FRMPD3: variants seen among roughly 807,000 people sequenced by gnomAD.
FRMPD3 encodes FERM and PDZ domain-containing protein 3.
Under a neutral mutation model 97.9 loss-of-function variants are expected in FRMPD3, and 42 were observed. The ratio of observed to expected loss-of-function variants is 0.43; its 90% confidence interval spans 0.34 to 0.55. The LOEUF is 0.55. FRMPD3 is among the 20% of genes least tolerant of loss of function. The pLI, the probability that FRMPD3 is intolerant of heterozygous loss-of-function variation, is 0.03. For missense variants in FRMPD3, 1,303 were observed against 1,457.7 expected (o/e 0.89, Z 1.73); for synonymous variants, 577 against 581.1 (o/e 0.99, Z 0.10).
chrX:107,585,205 T>C (rs991045226), intron 13 of FRMPD3, among the ~76,000 whole-genome samples: 1 of 111,284 alleles, frequency 9.0e-6, no homozygotes, highest in Non-Finnish European at 1.9e-5. Flanking sequence ...TTTGTAGTGA[T>C]TGTGAATGGG....
chrX:107,545,762 C>CT lies in FRMPD3; in HGVS notation c.324dup (p.Ala109CysfsTer17). On this transcript the variant is annotated frameshift_variant, in exon 5 of 15. Transcript: ENST00000683843. LOFTEE classifies it high-confidence loss of function. ...TCCCCCAAATCTGCTTTCATCAGTGCTGCGAAGAAGGCCAAGTTGAGGTCC... is the reference window on the plus strand; with the variant it reads ...TCCCCCAAATCTGCTTTCATCAGTGCTTGCGAAGAAGGCCAAGTTGAGGTCC... 1 of 1,209,952 alleles carries CT rather than the reference C, an allele frequency of 8.3e-7. No homozygotes were observed. The highest frequency in any genetic ancestry group is 1.1e-6 in the Non-Finnish European group (1 of 894,698).
Position 107,601,874 on chromosome X carries a change from C to A in FRMPD3, c.3835C>A (p.Gln1279Lys), listed in dbSNP as rs765179604. ...TCCAGCACCTGGCCGCTGCAGCTGC[C>A]AGCTCCGCAGCAGCCCTGTGCAGCA... ...QPPAPGRCSC[Q>K]LRSSPVQQGP... Residue 1279 changes from glutamine (Q) to lysine (K), a missense_variant, in exon 15 of 15, where the codon CAG (glutamine) becomes AAG (lysine). Coordinates refer to ENST00000683843, the MANE Select transcript of FRMPD3 (RefSeq NM_001388459.1). 8.3e-7 allele frequency: 1 copy of A among 1,206,729 alleles called. No homozygotes were observed. Among genetic ancestry groups the A allele is most frequent in the African/African-American group, 1.7e-5 (1 of 57,332 alleles).
chrX:107,468,482 CAAAT>C (rs1481558937), intron 1 of FRMPD3, among the ~76,000 whole-genome samples: 2 of 111,854 alleles, frequency 1.8e-5, no homozygotes, highest in Non-Finnish European at 3.8e-5. Flanking sequence ...TAAAAGTGAA[CAAAT>C]AAATAATCAC....
At chrX:107,526,764 G>C in intron 2 of FRMPD3, 28 bp downstream of exon 2, 1 of 1,143,154 alleles carries the variant, frequency 8.7e-7, no homozygotes, top group Non-Finnish European at 1.2e-6. Context: ...TGTTCCCCTA[G>C]CCCTGACTCC....
At chrX:107,517,237 A>G (rs1922363865) in intron 1 of FRMPD3, among the ~76,000 whole-genome samples, 1 of 111,934 alleles carries the variant, frequency 8.9e-6, no homozygotes, top group African/African-American at 3.3e-5. Context: ...TTTTGGTACC[A>G]GTACCTCCAT....
At chrX:107,538,621 G>A (rs1921129590) in intron 4 of FRMPD3, among the ~76,000 whole-genome samples, 4 of 107,690 alleles carry the variant, frequency 3.7e-5, no homozygotes, top group Non-Finnish European at 7.7e-5. Flanking sequence ...TACATTATGT[G>A]GCTGATAATG....
chrX:107,539,015 C>G (rs1447643914), intron 4 of FRMPD3, among the ~76,000 whole-genome samples: 1 of 111,059 alleles, frequency 9.0e-6, no homozygotes, highest in East Asian at 2.8e-4. Flanking sequence ...GCTCTGAAAA[C>G]TATTAATAGT....
At chrX:107,525,161 C>T (rs1452763652) in intron 1 of FRMPD3, among the ~76,000 whole-genome samples, 1 of 111,696 alleles carries the variant, frequency 9.0e-6, no homozygotes, top group African/African-American at 3.3e-5. Flanking sequence ...AATACACATA[C>T]TGAGGCTAGA....
At chrX:107,507,242 G>T (rs1922054536) in intron 1 of FRMPD3, among the ~76,000 whole-genome samples, 1 of 111,079 alleles carries the variant, frequency 9.0e-6, no homozygotes, top group Non-Finnish European at 1.9e-5. Flanking sequence ...GATTCGTTTG[G>T]GTTGCCTGGC....
At chrX:107,500,739 C>T (rs925267671) in intron 1 of FRMPD3, among the ~76,000 whole-genome samples, 2 of 101,375 alleles carry the variant, frequency 2.0e-5, no homozygotes, top group Non-Finnish European at 3.9e-5. Flanking sequence ...ATCTGGGAGG[C>T]GAAGGTTGCA....
chrX:107,522,002 C>G (rs913875124), intron 1 of FRMPD3, among the ~76,000 whole-genome samples: 1 of 112,005 alleles, frequency 8.9e-6, no homozygotes, highest in Non-Finnish European at 1.9e-5. Flanking sequence ...TGAGCTCGAG[C>G]TACCAGTCCC....
chrX:107,533,420 G>A lies in FRMPD3; in HGVS notation c.252-85G>A, dbSNP rs771367307. 1.1e-5 allele frequency: 9 copies of A among 850,327 alleles called. No homozygotes were observed. In the African/African-American group the frequency reaches 1.2e-4, roughly 11 times the overall value. The allele number at this position is 850,327 out of a possible 1,213,427, so 70.1% of individuals were successfully genotyped here. A position where few individuals can be genotyped will look rare whatever the true frequency, so the allele number is the denominator to read the frequency against. On this transcript the variant is annotated intron_variant, in intron 3 of 14. Transcript: ENST00000683843. The stretch of plus-strand genomic sequence containing the variant: ...TAATCCATATACCTGAATAAAGCCA[G>A]GGGAAGATTCTGGTGTTGCTTCTTG...
Position 107,602,477 on chromosome X carries a change from G to A in FRMPD3, c.4438G>A (p.Ala1480Thr). Residue 1480 changes from alanine (A) to threonine (T), a missense_variant, in exon 15 of 15, where the codon GCC becomes ACC. Ala to Thr is a moderately conservative substitution (Grantham distance 58). Coordinates refer to ENST00000683843, the MANE Select transcript of FRMPD3 (RefSeq NM_001388459.1). ...SLPEEVYRKP[A>T]ELDEDSESSK... Reference sequence around the variant, plus strand: ...GCCCGAGGAGGTGTACCGGAAGCCTGCCGAGCTAGACGAGGACAGTGAGAG... The same window carrying A: ...GCCCGAGGAGGTGTACCGGAAGCCTACCGAGCTAGACGAGGACAGTGAGAG... 8.3e-7 allele frequency: 1 copy of A among 1,211,493 alleles called. No individual in the cohort carries two copies. Among genetic ancestry groups the A allele is most frequent in the Non-Finnish European group, 1.1e-6 (1 of 895,497 alleles).
chrX:107,479,613 T>C (rs999593794), intron 1 of FRMPD3, among the ~76,000 whole-genome samples: 13 of 110,323 alleles, frequency 1.2e-4, no homozygotes, highest in Non-Finnish European at 9.5e-5. Flanking sequence ...AATATGATGT[T>C]TGAAACTTTA....
chrX:107,547,226 C>T (rs1034352968), intron 5 of FRMPD3, among the ~76,000 whole-genome samples: 2 of 111,707 alleles, frequency 1.8e-5, no homozygotes, highest in African/African-American at 3.3e-5. Flanking sequence ...ACCCAGAGGA[C>T]GTATGACTTG....
chrX:107,497,336 A>G (rs1321229342), intron 1 of FRMPD3, among the ~76,000 whole-genome samples: 1 of 112,982 alleles, frequency 8.9e-6, no homozygotes, highest in African/African-American at 3.2e-5. Context: ...ATTCTTGTCC[A>G]AGTAAGGAGT....
intron 2 of FRMPD3, among the ~76,000 whole-genome samples, chrX:107,528,027 T>C (rs1452323136): frequency 9.0e-6 from 1 of 111,110 alleles, no homozygotes; most frequent in Admixed American, 9.6e-5. Flanking sequence ...AGACAGAATC[T>C]GCACAGCTGA....
intron 1 of FRMPD3, among the ~76,000 whole-genome samples, chrX:107,458,055 T>C (rs144372707): frequency 0.053 from 5,977 of 111,779 alleles, 396 homozygotes; most frequent in African/African-American, 0.19. Flanking sequence ...TGGCTGCCTA[T>C]GTCTCACTCG....
At chrX:107,524,386 G>A (rs1922612724) in intron 1 of FRMPD3, among the ~76,000 whole-genome samples, 1 of 112,060 alleles carries the variant, frequency 8.9e-6, no homozygotes, top group South Asian at 3.7e-4. Context: ...GAGGGAAGGA[G>A]CAAGTTTCTG....
Sources: allele counts gnomAD v4.1 joint callset (sites outside exome capture counted in the v4.1 genomes callset), GRCh38; gene constraint gnomAD v4.1.1; transcripts MANE v1.5; gene names NCBI Gene and HGNC (gene_info 2026-07-23, HGNC 2026-07-21).